Variants in IGF2BP2 observed in about 807,000 individuals in gnomAD.
The protein encoded by IGF2BP2 is insulin like growth factor 2 mRNA binding protein 2, also known as insulin-like growth factor 2 mRNA-binding protein 2.
Under a neutral mutation model 75.8 loss-of-function variants are expected in IGF2BP2, and 17 were observed. That is an observed-to-expected ratio of 0.22 (90% CI 0.15 to 0.34). The LOEUF (loss-of-function observed/expected upper bound fraction) is 0.34. Among genes scored for constraint, IGF2BP2 ranks in the 10% least tolerant of loss-of-function variants. IGF2BP2 has a pLI of 1.00. For missense variants in IGF2BP2, 516 were observed against 772.4 expected (o/e 0.67, Z 3.93); for synonymous variants, 288 against 295.6 (o/e 0.97, Z 0.26).
chr3:185,805,414 G>A (rs1013524130), intron 2 of IGF2BP2, among the ~76,000 whole-genome samples: 1 of 152,122 alleles, frequency 6.6e-6, no homozygotes, highest in African/African-American at 2.4e-5. Flanking sequence ...ACCCCAAATG[G>A]TGCTGTTCTT....
chr3:185,700,531 C>G (rs1723146671), intron 2 of IGF2BP2, among the ~76,000 whole-genome samples: 1 of 152,180 alleles, frequency 6.6e-6, no homozygotes, highest in Non-Finnish European at 1.5e-5. Flanking sequence ...AAACTGCCAG[C>G]ACCATCCCAT....
intron 2 of IGF2BP2, among the ~76,000 whole-genome samples, chr3:185,714,791 G>A (rs1024711470): frequency 1.3e-5 from 2 of 152,144 alleles, no homozygotes; most frequent in Admixed American, 1.3e-4. Flanking sequence ...CTATCAAAAA[G>A]CAAAGCAACC....
chr3:185,706,825 T>G (rs1484952997), intron 2 of IGF2BP2, among the ~76,000 whole-genome samples: 1 of 151,274 alleles, frequency 6.6e-6, no homozygotes, highest in African/African-American at 2.4e-5. Context: ...ACTGCAGCCT[T>G]GGTGTCCTGG....
chr3:185,683,342 G>C (rs985400193), intron 7 of IGF2BP2, among the ~76,000 whole-genome samples: 2 of 152,172 alleles, frequency 1.3e-5, no homozygotes, highest in African/African-American at 4.8e-5. Context: ...AAAAGGTTCT[G>C]GAGATCTGTT....
At chr3:185,774,581 C>A (rs1330472861) in intron 2 of IGF2BP2, among the ~76,000 whole-genome samples, 7 of 132,936 alleles carry the variant, frequency 5.3e-5, no homozygotes, top group Non-Finnish European at 1.6e-5. Context: ...GGCAACAGAG[C>A]GAGACTCTGT....
At chr3:185,646,771 TGCTTAAGC>T in intron 15 of IGF2BP2, 1 of 498,404 alleles carries the variant, frequency 2.0e-6, no homozygotes, top group East Asian at 3.7e-5. Context: ...CACATGGCTT[TGCTTAAGC>T]GCTTAACTCT....
intron 7 of IGF2BP2, among the ~76,000 whole-genome samples, chr3:185,682,270 C>T (rs1416604207): frequency 6.6e-6 from 1 of 152,202 alleles, no homozygotes; most frequent in Admixed American, 6.5e-5. Context: ...ATGAGTTAAT[C>T]ACCTGCATTA....
chr3:185,795,188 C>A (rs78802023), intron 2 of IGF2BP2, among the ~76,000 whole-genome samples: 1 of 152,166 alleles, frequency 6.6e-6, no homozygotes, highest in Non-Finnish European at 1.5e-5. Context: ...TGAGCCACCA[C>A]GCCCAGCCTC....
At chr3:185,787,324 T>C (rs1238317802) in intron 2 of IGF2BP2, among the ~76,000 whole-genome samples, 1 of 151,852 alleles carries the variant, frequency 6.6e-6, no homozygotes, top group Non-Finnish European at 1.5e-5. Context: ...ATGAAAAAAA[T>C]CACTTAAAGA....
At position 185,753,507 on chromosome 3, in the gene IGF2BP2, C is replaced by T. The variant is rs534658525; in HGVS notation, c.240-55160G>A. On this transcript the variant is annotated intron_variant, in intron 2 of 15. Transcript: ENST00000382199. ...CAAAACAAGTCATACCTGGGGTGGCCGAGTCTGCCTCTGTGTCACACGAAG... is the reference window on the plus strand; with the variant it reads ...CAAAACAAGTCATACCTGGGGTGGCTGAGTCTGCCTCTGTGTCACACGAAG... Among the ~76,000 whole-genome samples, 9 of 152,178 alleles carry T rather than the reference C, an allele frequency of 5.9e-5. No homozygotes were observed. The South Asian group carries it at 1.7e-3, about 28-fold the overall frequency.
intron 2 of IGF2BP2, among the ~76,000 whole-genome samples, chr3:185,812,235 G>A (rs749400271): frequency 2.6e-5 from 4 of 152,114 alleles, no homozygotes; most frequent in Non-Finnish European, 4.4e-5. Context: ...AGCCAACCCT[G>A]CTTCCACCTC....
intron 10 of IGF2BP2, among the ~76,000 whole-genome samples, chr3:185,667,258 A>ATTGC (rs773659001): frequency 0.063 from 9,654 of 152,338 alleles, 419 homozygotes; most frequent in Middle Eastern, 0.14. Flanking sequence ...AGTCAAGATA[A>ATTGC]ATTCTCCATG....
At chr3:185,734,178 C>T (rs1441787249) in intron 2 of IGF2BP2, among the ~76,000 whole-genome samples, 2 of 152,234 alleles carry the variant, frequency 1.3e-5, no homozygotes, top group Non-Finnish European at 2.9e-5. Flanking sequence ...TCTCCCTAGC[C>T]ATGGCAGTAA....
At chr3:185,793,907 T>C (rs1390273799) in intron 2 of IGF2BP2, among the ~76,000 whole-genome samples, 2 of 151,086 alleles carry the variant, frequency 1.3e-5, no homozygotes, top group Non-Finnish European at 2.9e-5. Context: ...TTGAAGATAC[T>C]GATTGTGTTT....
chr3:185,751,835 C>A (rs946498688), intron 2 of IGF2BP2, among the ~76,000 whole-genome samples: 1 of 151,534 alleles, frequency 6.6e-6, no homozygotes, highest in Non-Finnish European at 1.5e-5. Flanking sequence ...TGGTGGTGGG[C>A]GCCTGTAGTC....
At chr3:185,690,763 T>C (rs1721839469) in intron 5 of IGF2BP2, among the ~76,000 whole-genome samples, 3 of 152,326 alleles carry the variant, frequency 2.0e-5, no homozygotes, top group South Asian at 4.1e-4. Flanking sequence ...AATCTTCAAA[T>C]GCACAGAGCG....
chr3:185,807,103 G>A (rs1375133511), intron 2 of IGF2BP2, among the ~76,000 whole-genome samples: 2 of 152,010 alleles, frequency 1.3e-5, no homozygotes, highest in South Asian at 2.1e-4. Context: ...TGGCAGAAAA[G>A]TAACAAACAA....
At chr3:185,750,208 G>A (rs186898861) in intron 2 of IGF2BP2, among the ~76,000 whole-genome samples, 47 of 152,270 alleles carry the variant, frequency 3.1e-4, no homozygotes, top group Admixed American at 1.4e-3. Flanking sequence ...GTGAACAAAG[G>A]TCAGAGAATG....
intron 2 of IGF2BP2, among the ~76,000 whole-genome samples, chr3:185,700,569 G>C (rs1272077114): frequency 6.6e-6 from 1 of 152,122 alleles, no homozygotes; most frequent in Non-Finnish European, 1.5e-5. Flanking sequence ...ATTCTCTATG[G>C]AAGATGTCAC....
Sources: allele counts gnomAD v4.1 joint callset (sites outside exome capture counted in the v4.1 genomes callset), GRCh38; gene constraint gnomAD v4.1.1; transcripts MANE v1.5; gene names NCBI Gene and HGNC (gene_info 2026-07-23, HGNC 2026-07-21).